SLC4A4: variants seen among roughly 807,000 people sequenced by gnomAD.
SLC4A4 encodes solute carrier family 4 member 4.
SLC4A4 carries 27 observed loss-of-function variants against 111.5 expected under a neutral mutation model. That is an observed-to-expected ratio of 0.24 (90% CI 0.18 to 0.33). The LOEUF (loss-of-function observed/expected upper bound fraction) is 0.33, where lower values mean the gene tolerates loss of function less well. Among genes scored for constraint, SLC4A4 ranks in the 10% least tolerant of loss-of-function variants. The pLI, the probability that SLC4A4 is intolerant of heterozygous loss-of-function variation, is 1.00. For missense variants in SLC4A4, 909 were observed against 1,315.5 expected, an observed-to-expected ratio of 0.69 and a Z score of 4.78; for synonymous variants, 443 against 463.4, an observed-to-expected ratio of 0.96 and a Z score of 0.57.
chr4:71,411,922 C>T (rs899902032), intron 7 of SLC4A4, among the ~76,000 whole-genome samples: 1 of 152,166 alleles, frequency 6.6e-6, no homozygotes, highest in Non-Finnish European at 1.5e-5. Flanking sequence ...CAACTGTACT[C>T]GAAGTGTGTC....
At chr4:71,191,325 C>T (rs1272318736) in intron 1 of SLC4A4, among the ~76,000 whole-genome samples, 1 of 152,132 alleles carries the variant, frequency 6.6e-6, no homozygotes, top group East Asian at 1.9e-4. Flanking sequence ...TTTGTGTAAA[C>T]CAAAACATCA....
intron 6 of SLC4A4, among the ~76,000 whole-genome samples, chr4:71,366,537 C>A (rs1313686900): frequency 6.6e-6 from 1 of 152,072 alleles, no homozygotes; most frequent in East Asian, 1.9e-4. Context: ...CTATATCTTT[C>A]CTCATCAGAT....
chr4:71,536,462 A>ATATATATATATG (rs1172733161), intron 18 of SLC4A4, among the ~76,000 whole-genome samples: 2 of 53,954 alleles, frequency 3.7e-5, no homozygotes, highest in Non-Finnish European at 7.5e-5. Flanking sequence ...ATATACATAT[A>ATATATATATATG]TACATATATA....
intron 2 of SLC4A4, among the ~76,000 whole-genome samples, chr4:71,122,810 C>T (rs1743468849): frequency 6.6e-6 from 1 of 152,112 alleles, no homozygotes. Context: ...AAACACTGTT[C>T]GTATACACAG....
At chr4:71,536,568 CTCAAT>C in intron 18 of SLC4A4, among the ~76,000 whole-genome samples, 1 of 147,794 alleles carries the variant, frequency 6.8e-6, no homozygotes, top group Admixed American at 6.8e-5. Context: ...TTGATCTCAG[CTCAAT>C]TCAACTTCTG....
At chr4:71,379,621 C>A (rs1484431372) in intron 6 of SLC4A4, among the ~76,000 whole-genome samples, 5 of 152,070 alleles carry the variant, frequency 3.3e-5, no homozygotes, top group Non-Finnish European at 5.9e-5. Flanking sequence ...TTTCCTTCAT[C>A]ATTGGCAAAG....
Position 71,569,098 on chromosome 4 carries a change from G to A in SLC4A4, c.*1347G>A, listed in dbSNP as rs1192924379. ...ATATGTGCAATGTTAGAAGGCAAAAGAGTGATGGTAGGCAGAGGGCAAAGT... is the reference window on the plus strand; with the variant it reads ...ATATGTGCAATGTTAGAAGGCAAAAAAGTGATGGTAGGCAGAGGGCAAAGT... On this transcript the variant is annotated 3_prime_UTR_variant, in exon 26 of 26. Coordinates refer to ENST00000264485, the MANE Select transcript of SLC4A4 (RefSeq NM_001098484.3). 1 of 151,616 alleles carries A rather than the reference G, an allele frequency of 6.6e-6. No homozygotes were observed. The highest frequency in any genetic ancestry group is 1.9e-4 in the East Asian group (1 of 5,140). The allele number at this position is 151,616 out of a possible 1,614,324, so 9.4% of individuals were successfully genotyped here.
intron 3 of SLC4A4, among the ~76,000 whole-genome samples, chr4:71,307,293 A>C (rs983830366): frequency 1.3e-5 from 2 of 152,220 alleles, no homozygotes; most frequent in African/African-American, 4.8e-5. Flanking sequence ...CATTTTATAC[A>C]CATTTCTGAT....
intron 1 of SLC4A4, among the ~76,000 whole-genome samples, chr4:71,231,093 G>A (rs777172544): frequency 1.5e-4 from 23 of 152,212 alleles, no homozygotes; most frequent in Non-Finnish European, 2.8e-4. Context: ...TAACAGGGGA[G>A]GGATGGGAGA....
In SLC4A4 at chr4:71,481,526, A is replaced by T. The variant is rs116655696; in HGVS notation, c.1904-5422A>T. ...TCTCACAGCTCCCACAACTGCAGCCATACTTGATCCACTTGTTCTTTCTCT... is the reference window on the plus strand; with the variant it reads ...TCTCACAGCTCCCACAACTGCAGCCTTACTTGATCCACTTGTTCTTTCTCT... On this transcript the variant is annotated intron_variant, in intron 14 of 25. Coordinates refer to ENST00000264485, the MANE Select transcript of SLC4A4 (RefSeq NM_001098484.3). 4.1e-3 allele frequency among the ~76,000 whole-genome samples: 621 copies of T among 151,886 alleles called. 3 individuals carry two copies. Among genetic ancestry groups the T allele is most frequent in the African/African-American group, 0.014 (600 of 41,496 alleles).
intron 18 of SLC4A4, among the ~76,000 whole-genome samples, chr4:71,543,539 ACC>A (rs1735251345): frequency 6.6e-6 from 1 of 152,004 alleles, no homozygotes; most frequent in African/African-American, 2.4e-5. Context: ...TCTTCATTTC[ACC>A]CTCTTTCATA....
Position 71,516,548 on chromosome 4 carries a change from C to G in SLC4A4, c.2167-15514C>G, listed in dbSNP as rs73826500. Among the ~76,000 whole-genome samples the G allele has an allele frequency of 9.0e-3, 1,378 of 152,304 alleles. 21 individuals are homozygous for G. The highest frequency in any genetic ancestry group is 0.03 in the African/African-American group (1,261 of 41,566). ...GAGTGACCCAGTGCAAATTCCCAGT[C>G]TGGTGTACTGCCCCACTGGGTTTCT... On this transcript the variant is annotated intron_variant, in intron 16 of 25. Coordinates refer to ENST00000264485, the MANE Select transcript of SLC4A4 (RefSeq NM_001098484.3).
chr4:71,273,017 A>C (rs1265394672), intron 3 of SLC4A4, among the ~76,000 whole-genome samples: 1 of 152,234 alleles, frequency 6.6e-6, no homozygotes, highest in Non-Finnish European at 1.5e-5. Context: ...TTGTTCTCAT[A>C]ATAATAACTG....
Position 71,350,043 on chromosome 4 carries a change from G to A in SLC4A4, c.521G>A (p.Arg174Gln), listed in dbSNP as rs762490300. ...GAGAAAGGATCCATCATGCTTGATCGGGAGGCTTCTTCTCTCCCACAGTTG... is the reference window on the plus strand; with the variant it reads ...GAGAAAGGATCCATCATGCTTGATCAGGAGGCTTCTTCTCTCCCACAGTTG... ...CMEKGSIMLD[R>Q]EASSLPQLVE... Residue 174 changes from arginine to glutamine, a missense_variant, in exon 5 of 26, where the codon CGG (arginine) becomes CAG (glutamine). Physicochemically the swap from Arg to Gln is conservative, Grantham distance 43. This residue lies in a region of SLC4A4 where 312 missense variants were observed against 402.0 expected (regional missense o/e 0.78). Coordinates refer to ENST00000264485, the MANE Select transcript of SLC4A4 (RefSeq NM_001098484.3). 8.1e-6 allele frequency: 13 copies of A among 1,613,942 alleles called. No individual in the cohort carries two copies. The highest frequency in any genetic ancestry group is 1.6e-4 in the Middle Eastern group (1 of 6,076).
intron 16 of SLC4A4, among the ~76,000 whole-genome samples, chr4:71,519,467 A>G (rs1031450): frequency 0.047 from 7,096 of 152,268 alleles, 545 homozygotes; most frequent in African/African-American, 0.16. Flanking sequence ...AATTGTATAT[A>G]CCAAATTATA....
At chr4:71,339,130 G>A (rs1728677484) in intron 3 of SLC4A4, 8 of 1,610,892 alleles carry the variant, frequency 5.0e-6, no homozygotes, top group African/African-American at 1.3e-5. Flanking sequence ...CAGAATTGGA[G>A]TGCTGTCCTT....
chr4:71,560,030 C>A, intron 22 of SLC4A4, 63 bp from the exon 23 acceptor site: 1 of 1,283,278 alleles, frequency 7.8e-7, no homozygotes. Context: ...AGGAGAGTAT[C>A]TATGCTTGCT....
chr4:71,169,294 G>A lies in SLC4A4; in HGVS notation c.-1-67282G>A, dbSNP rs191453803. On this transcript the variant is annotated intron_variant, in intron 2 of 26. Transcript: ENST00000649996. ...GCCTCTCAAAGTGTTGGGATTACAGGTGTGAGCCATCATGCCAGCCTCTAT... is the reference window on the plus strand; with the variant it reads ...GCCTCTCAAAGTGTTGGGATTACAGATGTGAGCCATCATGCCAGCCTCTAT... 3.0e-3 allele frequency among the ~76,000 whole-genome samples: 454 copies of A among 151,996 alleles called. 1 individual carries two copies. Among genetic ancestry groups the A allele is most frequent in the African/African-American group, 8.5e-3 (353 of 41,456 alleles).
At chr4:71,502,900 T>C (rs4431194) in intron 16 of SLC4A4, among the ~76,000 whole-genome samples, 63,590 of 151,978 alleles carry the variant, frequency 0.42, 16,207 homozygotes, top group African/African-American at 0.68. Context: ...TCTGTATAGA[T>C]GATCTGTCCA....
Sources: allele counts gnomAD v4.1 joint callset (sites outside exome capture counted in the v4.1 genomes callset), GRCh38; gene constraint gnomAD v4.1.1; regional missense constraint gnomAD v4.1.1; transcripts MANE v1.5; gene names NCBI Gene and HGNC (gene_info 2026-07-23, HGNC 2026-07-21).